ENOX1: variants seen among roughly 807,000 people sequenced by gnomAD.
ENOX1 encodes the protein candidate growth-related and time keeping constitutive hydroquinone (NADH) oxidase.
ENOX1 carries 42 observed loss-of-function variants against 82.5 expected under a neutral mutation model. The observed-to-expected ratio is 0.51, with a 90% confidence interval of 0.40 to 0.66. The LOEUF is 0.66. Among genes scored for constraint, ENOX1 ranks in the 30% least tolerant of loss-of-function variants. ENOX1 has a pLI of 0.00. For synonymous variants in ENOX1, 271 were observed against 282.2 expected (o/e 0.96, Z 0.40); for missense variants, 608 against 811.6 (o/e 0.75, Z 3.05).
chr13:43,741,576 T>C (rs2089913434), intron 1 of ENOX1, among the ~76,000 whole-genome samples: 2 of 152,228 alleles, frequency 1.3e-5, no homozygotes, highest in East Asian at 1.9e-4. Context: ...TTTGCCCATT[T>C]TCGAATTGTG....
chr13:43,343,462 C>T (rs1284160706), intron 9 of ENOX1, among the ~76,000 whole-genome samples: 5 of 152,190 alleles, frequency 3.3e-5, no homozygotes, highest in Middle Eastern at 3.2e-3. Context: ...TATTTGATCA[C>T]TTATCGGAAT....
chr13:43,466,548 T>TG (rs2057730570), intron 3 of ENOX1, among the ~76,000 whole-genome samples: 1 of 152,184 alleles, frequency 6.6e-6, no homozygotes, highest in Non-Finnish European at 1.5e-5. Context: ...TGGTATATTT[T>TG]GTATAAAAAA....
At chr13:43,763,232 C>G (rs1017432210) in intron 1 of ENOX1, among the ~76,000 whole-genome samples, 1 of 152,140 alleles carries the variant, frequency 6.6e-6, no homozygotes, top group Non-Finnish European at 1.5e-5. Flanking sequence ...AAATCTATTT[C>G]TCACAGTTCT....
At chr13:43,262,222 A>G (rs1388204286) in intron 14 of ENOX1, among the ~76,000 whole-genome samples, 1 of 151,774 alleles carries the variant, frequency 6.6e-6, no homozygotes, top group Admixed American at 6.6e-5. Context: ...CCTTACCCCT[A>G]TATTCTTTTC....
intron 15 of ENOX1, among the ~76,000 whole-genome samples, chr13:43,235,458 C>T (rs1196664255): frequency 1.3e-5 from 2 of 152,080 alleles, no homozygotes; most frequent in Non-Finnish European, 2.9e-5. Context: ...AGGGACCAGG[C>T]GCGGTGGCTC....
intron 2 of ENOX1, among the ~76,000 whole-genome samples, chr13:43,602,388 T>C (rs918622889): frequency 2.0e-5 from 3 of 152,008 alleles, no homozygotes; most frequent in South Asian, 2.1e-4. Flanking sequence ...TATGGTAAAA[T>C]GGATGGCAAA....
At chr13:43,370,859 G>A (rs1046014050) in intron 5 of ENOX1, among the ~76,000 whole-genome samples, 1 of 151,942 alleles carries the variant, frequency 6.6e-6, no homozygotes, top group Admixed American at 6.6e-5. Context: ...TACTGCAAAG[G>A]ACTCTTTTTG....
chr13:43,697,012 T>C, intron 1 of ENOX1, among the ~76,000 whole-genome samples: 1 of 151,742 alleles, frequency 6.6e-6, no homozygotes, highest in East Asian at 1.9e-4. Context: ...ACAAAAGAAA[T>C]GAAACAATTA....
chr13:43,396,474 G>T (rs2053158801), intron 5 of ENOX1, among the ~76,000 whole-genome samples: 1 of 152,164 alleles, frequency 6.6e-6, no homozygotes, highest in Non-Finnish European at 1.5e-5. Context: ...CCGCCTTCCG[G>T]GTTCAAGTGA....
intron 11 of ENOX1, among the ~76,000 whole-genome samples, chr13:43,313,406 T>C (rs1396778501): frequency 6.6e-6 from 1 of 152,258 alleles, no homozygotes; most frequent in Non-Finnish European, 1.5e-5. Context: ...ACTATCATTA[T>C]CTGATACTAG....
intron 2 of ENOX1, among the ~76,000 whole-genome samples, chr13:43,553,510 CT>C (rs1305057198): frequency 8.5e-5 from 13 of 152,304 alleles, no homozygotes; most frequent in African/African-American, 2.9e-4. Context: ...TGCCTTATCC[CT>C]TTTTGATGTC....
chr13:43,579,420 C>T (rs975354970), intron 2 of ENOX1, among the ~76,000 whole-genome samples: 6 of 152,300 alleles, frequency 3.9e-5, no homozygotes, highest in East Asian at 3.9e-4. Flanking sequence ...GCTAAGCTCC[C>T]ATTGTGAACT....
At chr13:43,697,211 A>G (rs1373575843) in intron 1 of ENOX1, among the ~76,000 whole-genome samples, 1 of 152,212 alleles carries the variant, frequency 6.6e-6, no homozygotes, top group Non-Finnish European at 1.5e-5. Context: ...TCAGGGGAAC[A>G]TATGTAGGTA....
At chr13:43,516,011 A>T (rs182403981) in intron 2 of ENOX1, among the ~76,000 whole-genome samples, 22 of 152,194 alleles carry the variant, frequency 1.4e-4, no homozygotes, top group African/African-American at 4.8e-4. Context: ...ATCTAAGCCT[A>T]TTTTCCACAG....
At chr13:43,237,263 C>CT (rs1474956103) in intron 14 of ENOX1, among the ~76,000 whole-genome samples, 1 of 151,892 alleles carries the variant, frequency 6.6e-6, no homozygotes, top group Non-Finnish European at 1.5e-5. Flanking sequence ...TTGGTAAATT[C>CT]TTTTTTTTGA....
intron 2 of ENOX1, among the ~76,000 whole-genome samples, chr13:43,628,914 A>C (rs1480215940): frequency 6.6e-6 from 1 of 152,164 alleles, no homozygotes; most frequent in Admixed American, 6.5e-5. Context: ...TCAGACACTG[A>C]TGTGAGGGTA....
At chr13:43,354,486 TA>T (rs2050021268) in intron 8 of ENOX1, among the ~76,000 whole-genome samples, 1 of 150,970 alleles carries the variant, frequency 6.6e-6, no homozygotes, top group Non-Finnish European at 1.5e-5. Flanking sequence ...TTTTTTTTTT[TA>T]AAGCATAGAA....
chr13:43,739,141 A>C (rs1390454606), intron 1 of ENOX1, among the ~76,000 whole-genome samples: 1 of 152,216 alleles, frequency 6.6e-6, no homozygotes, highest in African/African-American at 2.4e-5. Flanking sequence ...TCATTTCTTC[A>C]ACAAATATCT....
intron 1 of ENOX1, among the ~76,000 whole-genome samples, chr13:43,674,587 A>T (rs1365861847): frequency 6.6e-6 from 1 of 151,844 alleles, no homozygotes; most frequent in Non-Finnish European, 1.5e-5. Flanking sequence ...GGGGGAGGGA[A>T]GGGAGGGAGG....
Sources: allele counts gnomAD v4.1 joint callset (sites outside exome capture counted in the v4.1 genomes callset), GRCh38; gene constraint gnomAD v4.1.1; transcripts MANE v1.5; gene names NCBI Gene and HGNC (gene_info 2026-07-23, HGNC 2026-07-21).